Variants in TBC1D12 observed in about 807,000 individuals in gnomAD.
The protein encoded by TBC1D12 is TBC1 domain family, member 12.
Under a neutral mutation model 86.7 loss-of-function variants are expected in TBC1D12, and 56 were observed. The observed-to-expected ratio is 0.65, with a 90% CI of 0.52 to 0.81. The LOEUF (loss-of-function observed/expected upper bound fraction) is 0.81. TBC1D12 is among the 30% of genes least tolerant of loss of function. TBC1D12 has a pLI of 0.00. For missense variants in TBC1D12, 1,023 were observed against 1,038.8 expected (o/e 0.98, Z 0.21); for synonymous variants, 421 against 411.7 (o/e 1.02, Z -0.27).
At chr10:94,441,706 G>A (rs1361010749) in intron 1 of TBC1D12, among the ~76,000 whole-genome samples, 190 bp from the exon 2 acceptor site, 1 of 152,140 alleles carries the variant, frequency 6.6e-6, no homozygotes, top group Admixed American at 6.5e-5. Context: ...ATCCCTGCAT[G>A]CATTAGGTAT....
chr10:94,449,696 T>G (rs1212825894), intron 2 of TBC1D12, among the ~76,000 whole-genome samples: 1 of 152,212 alleles, frequency 6.6e-6, no homozygotes, highest in Non-Finnish European at 1.5e-5. Context: ...AGGGGAGTGT[T>G]CCTACTGTCC....
chr10:94,531,206 T>G lies in TBC1D12; in HGVS notation c.2005T>G (p.Phe669Val). The G allele has an allele frequency of 6.2e-7, 1 of 1,606,678 alleles. No homozygotes were observed. Among genetic ancestry groups the G allele is most frequent in the Admixed American group, 1.7e-5 (1 of 59,352 alleles). Residue 669 changes from phenylalanine to valine, a missense_variant, in exon 12 of 13, where the codon TTC becomes GTC. By Grantham distance (50) the Phe-to-Val change is conservative. Transcript: ENST00000225235. The stretch of plus-strand genomic sequence containing the variant: ...CATTTTTCCCTCTAATTTTAGGATC[T>G]TCACACTATATAGCAAATCACTACC... Reference protein sequence around the residue: ...TPDIYLIDWIFTLYSKSLPLD... With the variant: ...TPDIYLIDWIVTLYSKSLPLD...
intron 2 of TBC1D12, 45 bp downstream of exon 2, chr10:94,442,064 ATTCTTC>A: frequency 3.3e-6 from 5 of 1,504,540 alleles, no homozygotes; most frequent in Admixed American, 2.6e-5. Flanking sequence ...CTTTTCAAGC[ATTCTTC>A]TTCTTCTTCT....
intron 10 of TBC1D12, 75 bp downstream of exon 10, chr10:94,522,158 G>A: frequency 6.6e-7 from 1 of 1,510,448 alleles, no homozygotes; most frequent in Non-Finnish European, 9.0e-7. Context: ...TAATTAGAAG[G>A]CCAAAACAAT....
chr10:94,486,601 G>A (rs1157207554), intron 3 of TBC1D12, among the ~76,000 whole-genome samples: 3 of 151,962 alleles, frequency 2.0e-5, no homozygotes, highest in African/African-American at 7.3e-5. Flanking sequence ...GCATGTGTTT[G>A]TATAGTTTAC....
intron 12 of TBC1D12, among the ~76,000 whole-genome samples, chr10:94,531,669 TTTATTTTATTTTATTTTATG>T (rs1370764563): frequency 7.0e-6 from 1 of 143,816 alleles, no homozygotes; most frequent in East Asian, 2.0e-4. Flanking sequence ...TTTATTTTAT[TTTATTTTATTTTATTTTATG>T]TTATTTTATG....
intron 2 of TBC1D12, among the ~76,000 whole-genome samples, chr10:94,452,971 C>T (rs1439946903): frequency 6.6e-6 from 1 of 152,102 alleles, no homozygotes; most frequent in Non-Finnish European, 1.5e-5. Context: ...GAATTTTGGC[C>T]ATTCTCATAG....
intron 1 of TBC1D12, among the ~76,000 whole-genome samples, chr10:94,427,087 C>T (rs973539076): frequency 1.3e-5 from 2 of 152,172 alleles, no homozygotes; most frequent in African/African-American, 4.8e-5. Flanking sequence ...AGGTATTTTA[C>T]TCTTACTGTA....
chr10:94,455,125 A>G (rs945011094), intron 2 of TBC1D12, among the ~76,000 whole-genome samples: 2 of 152,084 alleles, frequency 1.3e-5, no homozygotes, highest in East Asian at 1.9e-4. Context: ...TCCAACATCT[A>G]TTGATGTTTT....
intron 1 of TBC1D12, among the ~76,000 whole-genome samples, chr10:94,407,503 G>A (rs1046276558): frequency 2.0e-5 from 3 of 152,148 alleles, no homozygotes; most frequent in African/African-American, 4.8e-5. Context: ...CCAATGTGGC[G>A]AAACCCTGTC....
intron 3 of TBC1D12, among the ~76,000 whole-genome samples, chr10:94,487,673 T>C (rs2056186228): frequency 6.6e-6 from 1 of 151,380 alleles, no homozygotes; most frequent in Non-Finnish European, 1.5e-5. Context: ...TTGTTTCTTT[T>C]TTTTAACTTC....
At chr10:94,507,392 G>T (rs1374639156) in intron 7 of TBC1D12, 45 bp downstream of exon 7, 1 of 1,493,052 alleles carries the variant, frequency 6.7e-7, no homozygotes, top group Admixed American at 2.0e-5. Context: ...TGAAAATTCA[G>T]ATACTGAGCA....
intron 2 of TBC1D12, among the ~76,000 whole-genome samples, chr10:94,473,096 T>A (rs374426952): frequency 2.6e-5 from 4 of 152,200 alleles, no homozygotes; most frequent in African/African-American, 9.6e-5. Flanking sequence ...GGCTCACGCC[T>A]GTAATCCTAG....
intron 9 of TBC1D12, among the ~76,000 whole-genome samples, chr10:94,516,995 A>T (rs996562202): frequency 2.0e-5 from 3 of 151,926 alleles, no homozygotes; most frequent in Non-Finnish European, 2.9e-5. Flanking sequence ...TGATCCTTCC[A>T]CCTCAGCCTC....
chr10:94,517,364 C>T (rs369041582), intron 9 of TBC1D12, among the ~76,000 whole-genome samples: 2 of 152,254 alleles, frequency 1.3e-5, no homozygotes, highest in South Asian at 4.1e-4. Flanking sequence ...GGTGACAGAG[C>T]GAGACTCTGT....
Position 94,403,160 on chromosome 10 carries a change from G to A in TBC1D12, c.547G>A (p.Asp183Asn). The part of the protein sequence containing the change: ...RLEGPGDEDA[D>N]GAGSPSDWAS... The stretch of plus-strand genomic sequence containing the variant: ...GGAGGGGCCTGGCGACGAGGACGCG[G>A]ACGGCGCGGGAAGCCCGTCCGATTG... Residue 183 changes from aspartate to asparagine, a missense_variant, in exon 1 of 13, where the codon GAC becomes AAC. By Grantham distance (23) the Asp-to-Asn change is conservative (BLOSUM62 1). Transcript: ENST00000225235. 6.9e-7 allele frequency: 1 copy of A among 1,441,318 alleles called. No homozygotes were observed. Among genetic ancestry groups the A allele is most frequent in the Non-Finnish European group, 9.1e-7 (1 of 1,102,744 alleles). 89.3% of individuals were successfully genotyped at this position (1,441,318 alleles called of 1,614,324 possible).
intron 1 of TBC1D12, among the ~76,000 whole-genome samples, chr10:94,414,939 G>C (rs990670953): frequency 6.6e-6 from 1 of 152,130 alleles, no homozygotes; most frequent in African/African-American, 2.4e-5. Flanking sequence ...GGCTCTAAAA[G>C]TTTAGGTTGT....
Position 94,500,358 on chromosome 10 carries a change from T to G in TBC1D12, c.1519+31T>G, listed in dbSNP as rs771433110. On this transcript the variant is annotated intron_variant, in intron 6 of 12. Coordinates refer to ENST00000225235, the MANE Select transcript of TBC1D12 (RefSeq NM_015188.2). ...TATTCTACGTTCAGTTATTCCCACA[T>G]GTACAAATAGCCATCTACAGAGTTA... is the stretch of plus-strand genomic sequence containing the variant. 2.5e-6 allele frequency: 4 copies of G among 1,584,388 alleles called. No individual in the cohort carries two copies. The East Asian group carries it at 9.0e-5, about 36-fold the overall frequency.
chr10:94,510,001 AAC>A, intron 7 of TBC1D12, 88 bp from the exon 8 acceptor site: 2 of 853,090 alleles, frequency 2.3e-6, no homozygotes, highest in East Asian at 2.7e-5. Context: ...TAACTTAAAT[AAC>A]ACATGCTGTG....
Sources: gnomAD v4.1 joint callset for allele counts (sites outside exome capture counted in the v4.1 genomes callset) on GRCh38, gnomAD v4.1.1 for gene constraint, MANE v1.5 for transcripts, NCBI Gene and HGNC (gene_info 2026-07-23, HGNC 2026-07-21) for gene names.